CDKL4: variants seen among roughly 807,000 people sequenced by gnomAD.
CDKL4 encodes cyclin dependent kinase like 4, also known as cyclin-dependent kinase-like 4.
CDKL4 carries 44 observed loss-of-function variants against 42.0 expected under a neutral mutation model. The ratio of observed to expected loss-of-function variants is 1.05; its 90% CI spans 0.82 to 1.35. The LOEUF (loss-of-function observed/expected upper bound fraction) is 1.35, where lower values mean the gene tolerates loss of function less well. Among genes scored for constraint, CDKL4 ranks in the 40% most tolerant of loss-of-function variants. The pLI is 0.00. For synonymous variants in CDKL4, 120 were observed against 121.6 expected (o/e 0.99, Z 0.09); for missense variants, 393 against 369.9 (o/e 1.06, Z -0.51).
chr2:39,217,150 T>C (rs933009126), intron 3 of CDKL4, among the ~76,000 whole-genome samples: 2 of 152,232 alleles, frequency 1.3e-5, no homozygotes, highest in African/African-American at 4.8e-5. Flanking sequence ...TTTCAAAGCA[T>C]CTTGGAGCAA....
chr2:39,218,193 C>T (rs959300091), intron 3 of CDKL4, among the ~76,000 whole-genome samples: 2 of 152,046 alleles, frequency 1.3e-5, no homozygotes, highest in African/African-American at 4.8e-5. Context: ...TAAGGGATGA[C>T]CAGATAGCTG....
chr2:39,240,212 C>T (rs1573038315), intron 1 of CDKL4, among the ~76,000 whole-genome samples: 1 of 151,892 alleles, frequency 6.6e-6, no homozygotes. Flanking sequence ...GAGTTCGAGA[C>T]CAGCCTGGCC....
chr2:39,205,759 C>CAAAAAAAAAAAAAAAAA (rs1167041058), intron 4 of CDKL4, among the ~76,000 whole-genome samples: 1 of 78,676 alleles, frequency 1.3e-5, no homozygotes, highest in Admixed American at 1.6e-4. Flanking sequence ...GACTCCGTCT[C>CAAAAAAAAAAAAAAAAA]AAAAAAAAAA....
chr2:39,187,789 C>T (rs1675915847), intron 6 of CDKL4, 80 bp from the exon 7 acceptor site: 2 of 902,032 alleles, frequency 2.2e-6, no homozygotes, highest in Non-Finnish European at 3.5e-6. Flanking sequence ...GCCTGAAGGC[C>T]AGGCATGGTG....
At chr2:39,229,613 TAATC>T in intron 1 of CDKL4, 25 bp from the exon 2 acceptor site, 5 of 1,122,978 alleles carry the variant, frequency 4.5e-6, no homozygotes, top group Admixed American at 2.4e-5. Flanking sequence ...AGACTTGCCT[TAATC>T]AAGCTATAAA....
At chr2:39,198,390 G>A (rs949490170) in intron 5 of CDKL4, among the ~76,000 whole-genome samples, 2 of 151,890 alleles carry the variant, frequency 1.3e-5, no homozygotes, top group African/African-American at 4.8e-5. Context: ...CACAATAATA[G>A]TGGAGGACTT....
At position 39,238,792 on chromosome 2, in the gene CDKL4, C is replaced by T. The variant is rs189368542; in HGVS notation, c.-57+5079G>A. 1.8e-4 allele frequency among the ~76,000 whole-genome samples: 28 copies of T among 152,264 alleles called. No homozygotes were observed. In the South Asian group the frequency reaches 4.6e-3, roughly 25 times the overall value. ...TTTAAGATAGAGTCTCACTCTGTCA[C>T]CCAGGCTGGAGTGCAGTGGTGTAAT... On this transcript the variant is annotated intron_variant, in intron 1 of 9. Transcript: ENST00000451199.
At chr2:39,229,013 C>G (rs1017432051) in intron 2 of CDKL4, among the ~76,000 whole-genome samples, 5 of 152,152 alleles carry the variant, frequency 3.3e-5, no homozygotes, top group Admixed American at 1.3e-4. Context: ...GACTGACTCT[C>G]TGTGCCAGGA....
upstream of CDKL4, among the ~76,000 whole-genome samples, chr2:39,244,059 C>T (rs1320995170): frequency 1.3e-5 from 2 of 152,198 alleles, no homozygotes. Context: ...GGAGCGGGTT[C>T]CCCTGGCGCT....
At chr2:39,214,995 C>T (rs1677828409) in intron 3 of CDKL4, among the ~76,000 whole-genome samples, 1 of 152,160 alleles carries the variant, frequency 6.6e-6, no homozygotes, top group African/African-American at 2.4e-5. Context: ...TGTAACTTTT[C>T]TGTTGGTAGC....
chr2:39,195,928 A>G (rs1676491463), intron 5 of CDKL4, among the ~76,000 whole-genome samples: 2 of 152,202 alleles, frequency 1.3e-5, no homozygotes, highest in African/African-American at 4.8e-5. Flanking sequence ...GGAGACTTAC[A>G]TCATGAACTT....
exon 2 of CDKL4, chr2:39,229,511 C>T (rs766233490): frequency 3.7e-6 from 6 of 1,604,878 alleles, no homozygotes; most frequent in South Asian, 3.4e-5. Context: ...CCAGTCTTAG[C>T]TAATTTTTCA....
In CDKL4 at chr2:39,185,404, G is replaced by GTGTATATATATATATA. The variant is rs1558547514; in HGVS notation, c.736-758_736-757insTATATATATATATACA. ...TATATATACATGTATATATACATAT[G>GTGTATATATATATATA]TGTATATATACATATATATATACAT... On this transcript the variant is annotated intron_variant, in intron 7 of 9. Coordinates refer to ENST00000451199, the Ensembl canonical transcript of CDKL4. 5.5e-4 allele frequency among the ~76,000 whole-genome samples: 2 copies of GTGTATATATATATATA among 3,660 alleles called. 1 individual carries two copies. The highest frequency in any genetic ancestry group is 2.8e-3 in the Non-Finnish European group (2 of 716). 2.4% of individuals were successfully genotyped at this position (3,660 alleles called of 152,430 possible).
chr2:39,198,646 A>G (rs1464475818), intron 5 of CDKL4, among the ~76,000 whole-genome samples: 1 of 152,110 alleles, frequency 6.6e-6, no homozygotes, highest in African/African-American at 2.4e-5. Flanking sequence ...CTCACAGATC[A>G]CAGTGGAATA....
In CDKL4 at chr2:39,178,873, C is replaced by T. The variant is rs149764256; in HGVS notation, c.927+314G>A. 8,486 of 1,470,942 alleles carry T rather than the reference C, an allele frequency of 5.8e-3. 41 individuals carry two copies. The highest frequency in any genetic ancestry group is 0.02 in the Middle Eastern group (87 of 4,250). The allele number at this position is 1,470,942 out of a possible 1,614,324, so 91.1% of individuals were successfully genotyped here. On this transcript the variant is annotated intron_variant, in intron 9 of 9. Coordinates refer to ENST00000451199, the Ensembl canonical transcript of CDKL4. ...CAAAACTCAGTCCTGTTGGAATCAG[C>T]ATTTTATTATATGAAGTTGTTATAT...
At chr2:39,190,021 A>G (rs559124776) in intron 6 of CDKL4, among the ~76,000 whole-genome samples, 2 of 152,290 alleles carry the variant, frequency 1.3e-5, no homozygotes, top group Non-Finnish European at 2.9e-5. Context: ...CCTTATCCCT[A>G]TCTTAGTCTG....
At chr2:39,196,508 G>C (rs1676523185) in intron 5 of CDKL4, among the ~76,000 whole-genome samples, 1 of 152,152 alleles carries the variant, frequency 6.6e-6, no homozygotes, top group Non-Finnish European at 1.5e-5. Context: ...TGGGACAAAA[G>C]AATCTGAACA....
intron 6 of CDKL4, among the ~76,000 whole-genome samples, chr2:39,188,560 CAAAAAAAAAAAAA>C (rs34568815): frequency 2.4e-4 from 11 of 45,266 alleles, no homozygotes; most frequent in South Asian, 3.2e-3. Context: ...CAGTCCGTCT[CAAAAAAAAAAAAA>C]AAAAAAAAAA....
chr2:39,222,296 A>G (rs1191752092), intron 3 of CDKL4, among the ~76,000 whole-genome samples: 1 of 152,148 alleles, frequency 6.6e-6, no homozygotes, highest in Non-Finnish European at 1.5e-5. Context: ...TCACATTTTA[A>G]AGATTATGAT....
Sources: gnomAD v4.1 joint callset for allele counts (sites outside exome capture counted in the v4.1 genomes callset) on GRCh38, gnomAD v4.1.1 for gene constraint, MANE v1.5 for transcripts, NCBI Gene and HGNC (gene_info 2026-07-23, HGNC 2026-07-21) for gene names.